Variants in R3HCC1L observed in about 807,000 individuals in gnomAD.
R3HCC1L encodes coiled-coil domain-containing protein R3HCC1L.
In R3HCC1L, 51 loss-of-function variants were observed where a neutral mutation model predicts 59.9. That is an observed-to-expected ratio of 0.85 (90% CI 0.68 to 1.07). The LOEUF is 1.07. Among genes scored for constraint, R3HCC1L ranks in the 50% least tolerant of loss-of-function variants. The probability of loss-of-function intolerance (pLI) is 0.00; values close to 1 mark genes in which losing one functional copy is unlikely to be tolerated. For missense variants in R3HCC1L, 965 were observed against 933.0 expected (o/e 1.03, Z -0.45); for synonymous variants, 322 against 315.2 (o/e 1.02, Z -0.23).
chr10:98,168,868 G>C (rs577748899), intron 4 of R3HCC1L, among the ~76,000 whole-genome samples: 7 of 152,196 alleles, frequency 4.6e-5, no homozygotes, highest in Non-Finnish European at 1.0e-4. Context: ...GTTGAAATGT[G>C]CCTCTGGAGA....
chr10:98,184,129 C>T (rs533996622), intron 4 of R3HCC1L, among the ~76,000 whole-genome samples: 82 of 152,026 alleles, frequency 5.4e-4, no homozygotes, highest in South Asian at 1.2e-3. Flanking sequence ...TAATTTACCA[C>T]AGGCTTAAAG....
intron 6 of R3HCC1L, among the ~76,000 whole-genome samples, chr10:98,233,141 C>CGT (rs1162167104): frequency 6.6e-6 from 1 of 152,052 alleles, no homozygotes; most frequent in Non-Finnish European, 1.5e-5. Flanking sequence ...GTTAGAACTA[C>CGT]CTTAGACTGT....
chr10:98,199,424 G>A (rs1370897276), intron 4 of R3HCC1L, among the ~76,000 whole-genome samples: 1 of 151,372 alleles, frequency 6.6e-6, no homozygotes, highest in Non-Finnish European at 1.5e-5. Context: ...AAACAATAGC[G>A]TATCTTTAAA....
At chr10:98,193,469 G>C (rs762017486) in intron 4 of R3HCC1L, among the ~76,000 whole-genome samples, 1 of 152,038 alleles carries the variant, frequency 6.6e-6, no homozygotes, top group African/African-American at 2.4e-5. Context: ...TTGTGTTTCT[G>C]TGCACTAACA....
rs1222625840 is a variant in R3HCC1L at position 98,223,918 on chromosome 10, C to A, written c.1786-7594C>A. Among the ~76,000 whole-genome samples the A allele has an allele frequency of 2.6e-5, 4 of 152,034 alleles. No homozygotes were observed. In the East Asian group the frequency reaches 7.7e-4, roughly 29 times the overall value. ...GCGTATGGGTCCTTGGGCTCCTGGG[C>A]AATGTGTTTTGGTGATGGTAGGAGC... On this transcript the variant is annotated intron_variant, in intron 5 of 9. Coordinates refer to ENST00000298999, the MANE Select transcript of R3HCC1L (RefSeq NM_001351015.2).
intron 1 of R3HCC1L, among the ~76,000 whole-genome samples, chr10:98,141,321 C>T (rs1226734252): frequency 2.6e-5 from 4 of 152,140 alleles, no homozygotes; most frequent in Non-Finnish European, 5.9e-5. Context: ...ATTGTTAAGC[C>T]TCCTAAGTAG....
Position 98,173,764 on chromosome 10 carries a change from C to T in R3HCC1L, c.-15+10367C>T, listed in dbSNP as rs577789940. Among the ~76,000 whole-genome samples, 4 of 152,222 alleles carry T rather than the reference C, an allele frequency of 2.6e-5. No homozygotes were observed. The East Asian group carries it at 5.8e-4, about 22-fold the overall frequency. On this transcript the variant is annotated intron_variant, in intron 4 of 9. Transcript: ENST00000298999. ...TTGGGACCTGACCAAATAGTGCCCC[C>T]TCCCCATAAGCTATCTATCTCCATA... is the stretch of plus-strand genomic sequence containing the variant.
chr10:98,239,511 T>G (rs983869927), intron 9 of R3HCC1L, among the ~76,000 whole-genome samples: 3 of 152,192 alleles, frequency 2.0e-5, no homozygotes, highest in Non-Finnish European at 2.9e-5. Context: ...ACATGTTCAT[T>G]GACCAAATAC....
intron 4 of R3HCC1L, among the ~76,000 whole-genome samples, chr10:98,207,115 CCTT>C (rs1390986808): frequency 6.6e-6 from 1 of 152,148 alleles, no homozygotes; most frequent in East Asian, 1.9e-4. Context: ...CTCATTATCT[CCTT>C]CTTTTGAAAT....
At chr10:98,144,940 A>G (rs767077906) in intron 1 of R3HCC1L, among the ~76,000 whole-genome samples, 1 of 152,252 alleles carries the variant, frequency 6.6e-6, no homozygotes, top group Non-Finnish European at 1.5e-5. Context: ...AAGAATGAGT[A>G]CAGTATGTGA....
Position 98,209,365 on chromosome 10 carries a change from A to G in R3HCC1L, c.1251A>G (p.Gly417=). 6.2e-7 allele frequency: 1 copy of G among 1,613,996 alleles called. No individual in the cohort carries two copies. Among genetic ancestry groups the G allele is most frequent in the Non-Finnish European group, 8.5e-7 (1 of 1,179,986 alleles). The change falls in exon 5 of 10, where the codon GGA becomes GGG. Residue 417 remains glycine, a synonymous_variant. Coordinates refer to ENST00000298999, the MANE Select transcript of R3HCC1L (RefSeq NM_001351015.2). ...INTRSFSKFV[G]MSADATPLHV... ...CACGAAGTTTCTCAAAGTTTGTAGG[A>G]ATGAGTGCAGATGCAACCCCTCTTC...
At chr10:98,204,817 A>G (rs1852453502) in intron 4 of R3HCC1L, among the ~76,000 whole-genome samples, 1 of 152,150 alleles carries the variant, frequency 6.6e-6, no homozygotes, top group Non-Finnish European at 1.5e-5. Flanking sequence ...AAAATTTATC[A>G]TAGGTATGTA....
chr10:98,180,641 C>G (rs966998761), intron 4 of R3HCC1L, among the ~76,000 whole-genome samples: 1 of 152,172 alleles, frequency 6.6e-6, no homozygotes, highest in Admixed American at 6.5e-5. Flanking sequence ...TCTCGTTGAT[C>G]TGTCTGATAT....
chr10:98,198,969 T>G (rs1851753254), intron 4 of R3HCC1L, among the ~76,000 whole-genome samples: 2 of 152,176 alleles, frequency 1.3e-5, no homozygotes, highest in Non-Finnish European at 2.9e-5. Flanking sequence ...TGAAGTTAAT[T>G]TTAATGTTTT....
At chr10:98,239,026 A>G (rs1403174596) in intron 9 of R3HCC1L, among the ~76,000 whole-genome samples, 1 of 152,232 alleles carries the variant, frequency 6.6e-6, no homozygotes, top group Non-Finnish European at 1.5e-5. Context: ...AGCTTTTGCC[A>G]TTAACTAGCT....
At chr10:98,147,469 C>T (rs1439772937) in intron 1 of R3HCC1L, among the ~76,000 whole-genome samples, 1 of 152,068 alleles carries the variant, frequency 6.6e-6, no homozygotes, top group African/African-American at 2.4e-5. Flanking sequence ...AGGTCTTACA[C>T]AAAAAATCTT....
intron 5 of R3HCC1L, 147 bp downstream of exon 5, chr10:98,210,046 TGATA>T (rs1853386311): frequency 6.4e-6 from 4 of 624,616 alleles, no homozygotes; most frequent in South Asian, 2.2e-5. Context: ...AGAGAATATC[TGATA>T]GATCTTTAAA....
At position 98,209,084 on chromosome 10, in the gene R3HCC1L, A is replaced by G. The variant is rs777789480; in HGVS notation, c.970A>G (p.Thr324Ala). Residue 324 changes from threonine to alanine, a missense_variant, in exon 5 of 10, where the codon ACT becomes GCT. By Grantham distance (58) the Thr-to-Ala change is moderately conservative. Transcript: ENST00000298999. Reference protein sequence around the residue: ...HISLSESTNDTVSPVMIRECE... With the variant: ...HISLSESTNDAVSPVMIRECE... ...CTCTCTGTCAGAGAGCACAAATGAC[A>G]CTGTTAGTCCAGTAATGATTAGAGA... 6.2e-6 allele frequency: 10 copies of G among 1,614,094 alleles called. No individual in the cohort carries two copies. In the African/African-American group the frequency reaches 1.2e-4, roughly 19 times the overall value.
At chr10:98,227,356 A>G (rs1258361542) in intron 5 of R3HCC1L, among the ~76,000 whole-genome samples, 2 of 152,180 alleles carry the variant, frequency 1.3e-5, no homozygotes, top group Non-Finnish European at 2.9e-5. Flanking sequence ...CCTTCTCCCA[A>G]TAAAACTCTT....
Sources: allele counts gnomAD v4.1 joint callset (sites outside exome capture counted in the v4.1 genomes callset), GRCh38; gene constraint gnomAD v4.1.1; transcripts MANE v1.5; gene names NCBI Gene and HGNC (gene_info 2026-07-23, HGNC 2026-07-21).